The following CAMTA1 variants were observed in gnomAD, a reference collection of about 807,000 sequenced individuals.
CAMTA1 encodes the protein calmodulin binding transcription activator 1, also known as calmodulin-binding transcription activator 1.
A neutral mutation model predicts 170.9 loss-of-function variants in CAMTA1; 27 were observed. That is an observed-to-expected ratio of 0.16 (90% CI 0.12 to 0.22). The LOEUF is 0.22. Ranked by LOEUF, CAMTA1 falls within the 10% of genes least tolerant of loss-of-function variation. The probability of loss-of-function intolerance (pLI) is 1.00; values close to 1 mark genes in which losing one functional copy is unlikely to be tolerated. For synonymous variants in CAMTA1, 833 were observed against 891.5 expected (o/e 0.93, Z 1.17); for missense variants, 1,619 against 2,217.2 (o/e 0.73, Z 5.42).
intron 3 of CAMTA1, among the ~76,000 whole-genome samples, chr1:6,847,005 A>ATTTTTTT (rs879327132): frequency 2.1e-5 from 3 of 144,444 alleles, no homozygotes; most frequent in Non-Finnish European, 3.1e-5. Context: ...TGAAGGATGG[A>ATTTTTTT]TTTTTTTTTT....
At chr1:7,417,162 C>T (rs1267728420) in intron 5 of CAMTA1, among the ~76,000 whole-genome samples, 3 of 152,366 alleles carry the variant, frequency 2.0e-5, no homozygotes, top group African/African-American at 7.2e-5. Flanking sequence ...AGTACCCGGC[C>T]GTGTGAGGTG....
intron 6 of CAMTA1, among the ~76,000 whole-genome samples, chr1:7,613,752 G>T (rs1327198288): frequency 6.8e-6 from 1 of 147,456 alleles, no homozygotes; most frequent in Non-Finnish European, 1.5e-5. Context: ...ACCCGGAGGA[G>T]TAGGGGGAGC....
intron 3 of CAMTA1, among the ~76,000 whole-genome samples, chr1:6,898,329 A>G (rs1161545515): frequency 6.6e-6 from 1 of 152,186 alleles, no homozygotes; most frequent in Non-Finnish European, 1.5e-5. Flanking sequence ...CGAGGCAGGC[A>G]GATCACGAGG....
intron 7 of CAMTA1, among the ~76,000 whole-genome samples, chr1:7,652,919 C>T (rs899175551): frequency 3.3e-5 from 5 of 152,222 alleles, no homozygotes; most frequent in Admixed American, 2.6e-4. Flanking sequence ...GGGCAAGTTA[C>T]ATAACTTCTC....
intron 1 of CAMTA1, among the ~76,000 whole-genome samples, chr1:6,792,475 A>T (rs1641394172): frequency 6.9e-6 from 1 of 144,852 alleles, no homozygotes; most frequent in African/African-American, 2.5e-5. Context: ...TTTCCTGAGC[A>T]TTTTTTTTTT....
At chr1:7,008,769 A>C (rs948945880) in intron 3 of CAMTA1, 1 of 152,258 alleles carries the variant, frequency 6.6e-6, no homozygotes, top group African/African-American at 2.4e-5. Flanking sequence ...ATATTATTGC[A>C]TAAGTGCAAA....
chr1:7,360,044 A>G (rs1005451348), intron 5 of CAMTA1, among the ~76,000 whole-genome samples: 5 of 152,052 alleles, frequency 3.3e-5, no homozygotes, highest in Non-Finnish European at 7.4e-5. Flanking sequence ...TGGCTTGTAG[A>G]AGCATCACCT....
At chr1:7,156,119 CAA>C (rs200380795) in intron 4 of CAMTA1, among the ~76,000 whole-genome samples, 1 of 134,788 alleles carries the variant, frequency 7.4e-6, no homozygotes, top group Non-Finnish European at 1.6e-5. Context: ...ACAAAAAATA[CAA>C]AAAAAAAATA....
At chr1:7,227,692 G>C (rs997507018) in intron 4 of CAMTA1, among the ~76,000 whole-genome samples, 2 of 152,206 alleles carry the variant, frequency 1.3e-5, no homozygotes, top group African/African-American at 4.8e-5. Flanking sequence ...GGGGCTGCCT[G>C]GGTTTCCTAA....
At chr1:7,267,112 T>C (rs1669056513) in intron 5 of CAMTA1, among the ~76,000 whole-genome samples, 1 of 152,164 alleles carries the variant, frequency 6.6e-6, no homozygotes. Context: ...GTGGAAAGGC[T>C]AAGAGAGTGG....
chr1:7,519,876 C>G (rs1013306564), intron 6 of CAMTA1, among the ~76,000 whole-genome samples: 2 of 151,576 alleles, frequency 1.3e-5, no homozygotes, highest in African/African-American at 2.4e-5. Context: ...ACAGCCACCA[C>G]CCTCCTGGGG....
At chr1:7,084,615 A>C (rs1003345531) in intron 3 of CAMTA1, among the ~76,000 whole-genome samples, 1 of 152,200 alleles carries the variant, frequency 6.6e-6, no homozygotes, top group Non-Finnish European at 1.5e-5. Context: ...GCTCTCCTTG[A>C]AGCGTGTGCT....
At chr1:7,002,222 C>T (rs1698326493) in intron 3 of CAMTA1, among the ~76,000 whole-genome samples, 1 of 152,106 alleles carries the variant, frequency 6.6e-6, no homozygotes, top group Non-Finnish European at 1.5e-5. Context: ...TAGATTCTCC[C>T]CTGTTCTGTA....
chr1:6,917,050 TGA>T (rs1680960455), intron 3 of CAMTA1, among the ~76,000 whole-genome samples: 1 of 151,546 alleles, frequency 6.6e-6, no homozygotes, highest in Non-Finnish European at 1.5e-5. Context: ...GAAGGATGAG[TGA>T]GAGTTAGCCA....
chr1:6,895,796 G>A (rs1243423559), intron 3 of CAMTA1, among the ~76,000 whole-genome samples: 1 of 152,190 alleles, frequency 6.6e-6, no homozygotes. Context: ...TCCCCCGATA[G>A]CCTGATGACA....
At chr1:7,140,085 G>A (rs1300299288) in intron 4 of CAMTA1, among the ~76,000 whole-genome samples, 1 of 152,192 alleles carries the variant, frequency 6.6e-6, no homozygotes, top group Non-Finnish European at 1.5e-5. Flanking sequence ...CAGGCTCAGA[G>A]AGGTGAAGTA....
chr1:7,051,424 A>G (rs1027010816), intron 3 of CAMTA1, among the ~76,000 whole-genome samples: 1 of 152,196 alleles, frequency 6.6e-6, no homozygotes, highest in Non-Finnish European at 1.5e-5. Flanking sequence ...ACTCTTCGCT[A>G]CATCCTGGAG....
intron 5 of CAMTA1, among the ~76,000 whole-genome samples, chr1:7,427,571 G>A (rs1056396877): frequency 1.3e-5 from 2 of 152,222 alleles, no homozygotes; most frequent in Non-Finnish European, 1.5e-5. Context: ...TTGAAAGGAA[G>A]TGTCGAAGGT....
intron 4 of CAMTA1, among the ~76,000 whole-genome samples, chr1:7,157,665 G>T (rs1202086580): frequency 1.3e-5 from 2 of 152,150 alleles, no homozygotes; most frequent in Non-Finnish European, 2.9e-5. Context: ...TACATCTATT[G>T]CATGACCCAG....
Sources: gnomAD v4.1 joint callset for allele counts (sites outside exome capture counted in the v4.1 genomes callset) on GRCh38, gnomAD v4.1.1 for gene constraint, MANE v1.5 for transcripts, NCBI Gene and HGNC (gene_info 2026-07-23, HGNC 2026-07-21) for gene names.